The following GRIP1 variants were observed in gnomAD, a reference collection of about 807,000 sequenced individuals.
GRIP1 encodes the protein glutamate receptor interacting protein 1, also known as glutamate receptor-interacting protein 1.
Under a neutral mutation model 129.9 loss-of-function variants are expected in GRIP1, and 45 were observed. The observed-to-expected ratio is 0.35, with a 90% CI of 0.27 to 0.44. GRIP1 has a LOEUF of 0.44. GRIP1 is among the 20% of genes least tolerant of loss of function. The pLI is 1.00. For synonymous variants in GRIP1, 530 were observed against 520.8 expected (o/e 1.02, Z -0.24); for missense variants, 1,196 against 1,396.8 (o/e 0.86, Z 2.29).
intron 1 of GRIP1, among the ~76,000 whole-genome samples, chr12:66,715,485 A>T (rs998088725): frequency 0.015 from 1,540 of 101,948 alleles, 17 homozygotes; most frequent in African/African-American, 0.042. Flanking sequence ...AGAGAGAGAG[A>T]GAGAGAGAGA....
At chr12:66,556,636 A>C (rs1441536986) in intron 2 of GRIP1, among the ~76,000 whole-genome samples, 1 of 149,942 alleles carries the variant, frequency 6.7e-6, no homozygotes, top group African/African-American at 2.4e-5. Context: ...AGTATGATAA[A>C]ACATTAAAAA....
At chr12:66,679,883 A>G (rs972841451), upstream of GRIP1, among the ~76,000 whole-genome samples, 14 of 152,202 alleles carry the variant, frequency 9.2e-5, no homozygotes, top group African/African-American at 3.4e-4. Flanking sequence ...TATCTGCTCC[A>G]ATGGAGTGAA....
At chr12:66,488,096 C>T (rs540465109) in intron 7 of GRIP1, among the ~76,000 whole-genome samples, 7 of 152,282 alleles carry the variant, frequency 4.6e-5, no homozygotes, top group African/African-American at 9.6e-5. Flanking sequence ...TGAAGATATT[C>T]AGGACTTGAA....
chr12:66,550,039 A>G (rs2062074188), intron 2 of GRIP1, among the ~76,000 whole-genome samples: 2 of 152,204 alleles, frequency 1.3e-5, no homozygotes, highest in East Asian at 3.8e-4. Context: ...CAGGTATCAA[A>G]TGCCTTCTAA....
chr12:66,357,699 A>G (rs1286473415), intron 23 of GRIP1, among the ~76,000 whole-genome samples: 1 of 152,240 alleles, frequency 6.6e-6, no homozygotes, highest in African/African-American at 2.4e-5. Context: ...TTTATCAATT[A>G]GTGCTGCTTT....
intron 1 of GRIP1, among the ~76,000 whole-genome samples, chr12:66,711,201 TTAA>T (rs1297552368): frequency 2.0e-5 from 3 of 151,828 alleles, no homozygotes; most frequent in Non-Finnish European, 4.4e-5. Context: ...AAAAATCTAC[TTAA>T]TAACAAAATA....
intron 1 of GRIP1, among the ~76,000 whole-genome samples, chr12:66,867,794 T>C (rs540384847): frequency 6.6e-6 from 1 of 152,292 alleles, no homozygotes; most frequent in East Asian, 1.9e-4. Context: ...ATAAAGATAC[T>C]TCACAACTTT....
rs116172751 is a variant in GRIP1, at chr12:66,514,042, C to G, written c.724+1577G>C. ...CTGCTCTATTTAAATCACCTGCCAACCCTCACCTGTGCCTGCCCTTATTCC... is the reference window on the plus strand; with the variant it reads ...CTGCTCTATTTAAATCACCTGCCAAGCCTCACCTGTGCCTGCCCTTATTCC... On this transcript the variant is annotated intron_variant, in intron 7 of 24. Coordinates refer to ENST00000359742, the MANE Select transcript of GRIP1 (RefSeq NM_001366722.1). Among the ~76,000 whole-genome samples the G allele has an allele frequency of 3.6e-3, 548 of 152,290 alleles. 2 individuals carry two copies. Among genetic ancestry groups the G allele is most frequent in the African/African-American group, 0.012 (486 of 41,560 alleles).
intron 1 of GRIP1, among the ~76,000 whole-genome samples, chr12:66,937,677 A>T (rs2041508973): frequency 6.6e-6 from 1 of 152,188 alleles, no homozygotes; most frequent in Admixed American, 6.5e-5. Context: ...TAGAGTGGAG[A>T]TGATATTATG....
At chr12:66,524,401 A>C (rs1856862292) in intron 5 of GRIP1, among the ~76,000 whole-genome samples, 1 of 152,312 alleles carries the variant, frequency 6.6e-6, no homozygotes, top group East Asian at 1.9e-4. Flanking sequence ...ACTACATGGA[A>C]ACTGAACAAC....
intron 1 of GRIP1, among the ~76,000 whole-genome samples, chr12:66,848,512 T>C (rs1461373085): frequency 6.6e-6 from 1 of 152,052 alleles, no homozygotes; most frequent in Admixed American, 6.6e-5. Flanking sequence ...AATTCTGGGG[T>C]ACTCTGAAAA....
chr12:67,015,142 G>T (rs1290259077), intron 1 of GRIP1, among the ~76,000 whole-genome samples: 3 of 152,122 alleles, frequency 2.0e-5, no homozygotes, highest in Admixed American at 2.0e-4. Flanking sequence ...AGGAAGACGT[G>T]CACATACACA....
chr12:66,598,433 C>A lies in GRIP1; in HGVS notation c.56-1506G>T, dbSNP rs185888118. Among the ~76,000 whole-genome samples the A allele has an allele frequency of 3.0e-4, 45 of 152,302 alleles. 1 individual carries two copies. Among genetic ancestry groups the A allele is most frequent in the African/African-American group, 1.0e-3 (43 of 41,570 alleles). The stretch of plus-strand genomic sequence containing the variant: ...ACCAACTTTCAGATACCAATTCAAT[C>A]AATATCGCTTTTGCTTTAGAAGTGG... On this transcript the variant is annotated intron_variant, in intron 1 of 24. Transcript: ENST00000359742.
intron 2 of GRIP1, among the ~76,000 whole-genome samples, chr12:66,546,849 G>A (rs1214134871): frequency 7.2e-6 from 1 of 138,382 alleles, no homozygotes; most frequent in Non-Finnish European, 1.6e-5. Flanking sequence ...TCTAGGTTTA[G>A]CGAAGGGTTT....
intron 1 of GRIP1, among the ~76,000 whole-genome samples, chr12:66,756,271 C>T (rs544449937): frequency 6.6e-6 from 1 of 152,224 alleles, no homozygotes; most frequent in African/African-American, 2.4e-5. Context: ...CACGTGAGTG[C>T]AATCATATCA....
chr12:66,937,132 C>T (rs1302968316), intron 1 of GRIP1, among the ~76,000 whole-genome samples: 2 of 152,132 alleles, frequency 1.3e-5, no homozygotes, highest in African/African-American at 4.8e-5. Flanking sequence ...TTCCCTCTAC[C>T]TGAAACATTC....
intron 11 of GRIP1, among the ~76,000 whole-genome samples, chr12:66,449,794 C>T (rs1005134392): frequency 1.3e-5 from 2 of 152,180 alleles, no homozygotes; most frequent in African/African-American, 4.8e-5. Context: ...CATGTTACAG[C>T]ATCACCTATT....
intron 1 of GRIP1, among the ~76,000 whole-genome samples, chr12:67,066,906 A>ATG (rs1235308080): frequency 1.4e-5 from 2 of 143,658 alleles, no homozygotes; most frequent in African/African-American, 2.6e-5. Flanking sequence ...ATATATATAT[A>ATG]TATATACACA....
At chr12:66,575,698 A>C (rs2063116554) in intron 2 of GRIP1, among the ~76,000 whole-genome samples, 1 of 152,184 alleles carries the variant, frequency 6.6e-6, no homozygotes, top group Admixed American at 6.5e-5. Context: ...AATTTTTCCA[A>C]GTTCTGTAGT....
Sources: gnomAD v4.1 joint callset for allele counts (sites outside exome capture counted in the v4.1 genomes callset) on GRCh38, gnomAD v4.1.1 for gene constraint, MANE v1.5 for transcripts, NCBI Gene and HGNC (gene_info 2026-07-23, HGNC 2026-07-21) for gene names.